MRPS27: variants seen among roughly 807,000 people sequenced by gnomAD.
The protein encoded by MRPS27 is mitochondrial ribosomal protein S27.
Under a neutral mutation model 48.9 loss-of-function variants are expected in MRPS27, and 43 were observed. The observed-to-expected ratio is 0.88, with a 90% CI of 0.69 to 1.13. The LOEUF (loss-of-function observed/expected upper bound fraction) is 1.13. Ranked by LOEUF, MRPS27 falls within the 50% of genes most tolerant of loss-of-function variation. MRPS27 has a pLI of 0.00. For synonymous variants in MRPS27, 188 were observed against 171.9 expected, an observed-to-expected ratio of 1.09 and a Z score of -0.73; for missense variants, 467 against 476.3, an observed-to-expected ratio of 0.98 and a Z score of 0.18.
intron 4 of MRPS27, chr5:72,294,648 G>A (rs888408371): frequency 3.3e-5 from 5 of 152,140 alleles, no homozygotes; most frequent in Non-Finnish European, 7.4e-5. Flanking sequence ...TGTACACATG[G>A]CTGAGTTTTG....
rs570395328 is a variant in MRPS27 at position 72,319,137 on chromosome 5, C to A, written c.73+1012G>T. Among the ~76,000 whole-genome samples, 13 of 152,300 alleles carry A rather than the reference C, an allele frequency of 8.5e-5. 1 individual carries two copies. The South Asian group carries it at 2.7e-3, about 32-fold the overall frequency. On this transcript the variant is annotated intron_variant, in intron 1 of 10. Transcript: ENST00000261413. ...ATGGAAAAATCGAGTGTGATTATTG[C>A]ATTTTTATCAAATATGTCTGTCTGG...
At chr5:72,248,872 T>C (rs1748581883) in intron 4 of MRPS27, among the ~76,000 whole-genome samples, 1 of 152,172 alleles carries the variant, frequency 6.6e-6, no homozygotes, top group Non-Finnish European at 1.5e-5. Flanking sequence ...TGTCAGATCA[T>C]GGCTGCACTT....
chr5:72,297,816 A>T (rs1481552480), intron 2 of MRPS27, 114 bp from the exon 3 acceptor site: 1 of 473,946 alleles, frequency 2.1e-6, no homozygotes, highest in East Asian at 3.6e-5. Flanking sequence ...CTTGCTTTTT[A>T]GAAATTATTT....
At chr5:72,274,187 C>T (rs1386067385) in intron 4 of MRPS27, among the ~76,000 whole-genome samples, 3 of 152,100 alleles carry the variant, frequency 2.0e-5, no homozygotes, top group East Asian at 3.9e-4. Context: ...AACCCCGTCT[C>T]TACTAAAAAC....
At chr5:72,244,524 T>G (rs1345974764) in intron 4 of MRPS27, among the ~76,000 whole-genome samples, 1 of 152,214 alleles carries the variant, frequency 6.6e-6, no homozygotes, top group East Asian at 1.9e-4. Flanking sequence ...TCTCTCTCCC[T>G]GCTCTCTGAT....
At chr5:72,255,160 C>T (rs959334774) in intron 4 of MRPS27, among the ~76,000 whole-genome samples, 1 of 150,472 alleles carries the variant, frequency 6.6e-6, no homozygotes, top group Non-Finnish European at 1.5e-5. Flanking sequence ...AAGAGATTCT[C>T]CTGCCTCAGT....
chr5:72,234,421 C>T (rs897497247), intron 5 of MRPS27, among the ~76,000 whole-genome samples: 1 of 151,558 alleles, frequency 6.6e-6, no homozygotes, highest in African/African-American at 2.4e-5. Flanking sequence ...TGATATAAGA[C>T]AACTGATAAT....
chr5:72,232,483 TAGAG>T lies in MRPS27; in HGVS notation c.547_550del (p.Leu183MetfsTer30). Reference sequence around the variant, plus strand: ...CTTTGCCAGGCAATGAAATAAAACATAGAGGGAGAGAAGTTGGGTGGAAGGCACT... The same window carrying T: ...CTTTGCCAGGCAATGAAATAAAACATGGAGAGAAGTTGGGTGGAAGGCACT... On this transcript the variant is annotated frameshift_variant, in exon 7 of 11. Coordinates refer to ENST00000261413, the MANE Select transcript of MRPS27 (RefSeq NM_015084.3). LOFTEE classifies it high-confidence loss of function. 1 of 1,612,390 alleles carries T rather than the reference TAGAG, an allele frequency of 6.2e-7. No homozygotes were observed. The highest frequency in any genetic ancestry group is 8.5e-7 in the Non-Finnish European group (1 of 1,178,998).
At chr5:72,319,076 G>A (rs1278568767) in intron 1 of MRPS27, among the ~76,000 whole-genome samples, 2 of 152,180 alleles carry the variant, frequency 1.3e-5, no homozygotes, top group Admixed American at 1.3e-4. Context: ...AAAAATAGAG[G>A]ATGGGAGGTA....
intron 7 of MRPS27, among the ~76,000 whole-genome samples, chr5:72,230,487 A>AT (rs1748030924): frequency 1.3e-5 from 2 of 152,240 alleles, no homozygotes; most frequent in East Asian, 1.9e-4. Context: ...CATTTAATTG[A>AT]CTTTTTTTAT....
At chr5:72,292,801 T>C (rs1482222892) in intron 4 of MRPS27, among the ~76,000 whole-genome samples, 1 of 152,188 alleles carries the variant, frequency 6.6e-6, no homozygotes, top group East Asian at 1.9e-4. Context: ...GGTGAACCAA[T>C]GCCAAAGTTC....
At chr5:72,281,333 T>G (rs965265488) in intron 4 of MRPS27, among the ~76,000 whole-genome samples, 6 of 152,306 alleles carry the variant, frequency 3.9e-5, no homozygotes, top group Admixed American at 3.3e-4. Flanking sequence ...ACTCATTTTA[T>G]GAGGGAGGAA....
intron 4 of MRPS27, among the ~76,000 whole-genome samples, chr5:72,246,286 C>A (rs1324105481): frequency 1.3e-5 from 2 of 152,152 alleles, no homozygotes; most frequent in Non-Finnish European, 2.9e-5. Flanking sequence ...GAAATGCTGC[C>A]TTTTTTGTAC....
Position 72,290,625 on chromosome 5 carries a change from T to C in MRPS27, c.281+4906A>G, listed in dbSNP as rs12188883. Among the ~76,000 whole-genome samples the C allele has an allele frequency of 4.3e-4, 66 of 152,196 alleles. No homozygotes were observed. In the South Asian group the frequency reaches 0.013, roughly 31 times the overall value. On this transcript the variant is annotated intron_variant, in intron 4 of 10. Coordinates refer to ENST00000261413, the MANE Select transcript of MRPS27 (RefSeq NM_015084.3). The stretch of plus-strand genomic sequence containing the variant: ...TGCATCAGTAAAATAAAGATGCAAA[T>C]CTAATTCTTAGGAATGCTCTAAGTT...
intron 4 of MRPS27, among the ~76,000 whole-genome samples, chr5:72,285,738 T>C (rs1421754176): frequency 1.3e-5 from 2 of 152,234 alleles, no homozygotes; most frequent in Non-Finnish European, 2.9e-5. Context: ...TTGCTCAGGC[T>C]GATCTCAAAC....
chr5:72,226,772 G>C (rs1007613975), intron 8 of MRPS27, among the ~76,000 whole-genome samples: 3 of 151,784 alleles, frequency 2.0e-5, no homozygotes, highest in Admixed American at 2.0e-4. Flanking sequence ...GAGTTCTCAT[G>C]ATCTTTTTGG....
chr5:72,303,057 A>G (rs536650720), intron 2 of MRPS27, among the ~76,000 whole-genome samples: 1 of 152,354 alleles, frequency 6.6e-6, no homozygotes, highest in African/African-American at 2.4e-5. Context: ...AATTCTAAAA[A>G]TTGTGAACTA....
intron 4 of MRPS27, among the ~76,000 whole-genome samples, chr5:72,270,939 C>T (rs772738097): frequency 1.4e-4 from 21 of 152,124 alleles, no homozygotes; most frequent in African/African-American, 2.4e-4. Flanking sequence ...ATTCAATGCC[C>T]ATGTTTGATT....
intron 4 of MRPS27, among the ~76,000 whole-genome samples, chr5:72,277,720 A>G (rs1482010742): frequency 6.6e-6 from 1 of 152,238 alleles, no homozygotes; most frequent in Non-Finnish European, 1.5e-5. Context: ...TTGGATAAAG[A>G]AAATGTGGTA....
Sources: gnomAD v4.1 joint callset for allele counts (sites outside exome capture counted in the v4.1 genomes callset) on GRCh38, gnomAD v4.1.1 for gene constraint, MANE v1.5 for transcripts, NCBI Gene and HGNC (gene_info 2026-07-23, HGNC 2026-07-21) for gene names.